Variants in PCDH11X observed in about 807,000 individuals in gnomAD.
PCDH11X encodes protocadherin-11 X-linked.
Under a neutral mutation model 53.3 loss-of-function variants are expected in PCDH11X, and 18 were observed. That is an observed-to-expected ratio of 0.34 (90% CI 0.23 to 0.50). The LOEUF is 0.50. PCDH11X is among the 20% of genes least tolerant of loss of function. The probability of loss-of-function intolerance (pLI) is 0.98; values close to 1 mark genes in which losing one functional copy is unlikely to be tolerated. For synonymous variants in PCDH11X, 279 were observed against 393.3 expected, an observed-to-expected ratio of 0.71 and a Z score of 3.44; for missense variants, 570 against 1,032.4, an observed-to-expected ratio of 0.55 and a Z score of 6.14.
intron 9 of PCDH11X, among the ~76,000 whole-genome samples, chrX:92,413,846 G>A (rs2148606096): frequency 9.3e-6 from 1 of 107,373 alleles, no homozygotes; most frequent in East Asian, 3.0e-4. Context: ...ATGTACAACT[G>A]AGCTTTATGC....
intron 6 of PCDH11X, among the ~76,000 whole-genome samples, chrX:92,024,359 A>G (rs1218650553): frequency 1.8e-5 from 2 of 110,959 alleles, no homozygotes; most frequent in Non-Finnish European, 3.8e-5. Flanking sequence ...AAGCATTCCT[A>G]TACAACGACA....
chrX:91,888,187 C>G (rs1381880163), intron 6 of PCDH11X, among the ~76,000 whole-genome samples: 2 of 111,619 alleles, frequency 1.8e-5, no homozygotes, highest in Non-Finnish European at 3.8e-5. Context: ...AATCACATTT[C>G]ATTAGATTTC....
At chrX:92,421,829 T>C (rs2071973476) in intron 9 of PCDH11X, among the ~76,000 whole-genome samples, 1 of 112,172 alleles carries the variant, frequency 8.9e-6, no homozygotes. Context: ...ATTTTTCATA[T>C]TGTGCTTGTA....
intron 6 of PCDH11X, among the ~76,000 whole-genome samples, chrX:91,921,301 A>C (rs1941730714): frequency 9.0e-6 from 1 of 110,832 alleles, no homozygotes; most frequent in Non-Finnish European, 1.9e-5. Flanking sequence ...ATAGTTGATG[A>C]ATTTACACAT....
chrX:92,574,975 T>C (rs1326538672), intron 10 of PCDH11X, among the ~76,000 whole-genome samples: 1 of 110,867 alleles, frequency 9.0e-6, no homozygotes, highest in Non-Finnish European at 1.9e-5. Flanking sequence ...ACGGTAATGC[T>C]ATTATATGAC....
chrX:92,046,094 G>A (rs186547732), intron 6 of PCDH11X, among the ~76,000 whole-genome samples: 1 of 111,716 alleles, frequency 9.0e-6, no homozygotes, highest in Non-Finnish European at 1.9e-5. Flanking sequence ...ACTTGTGAGA[G>A]CCAATTGTGC....
intron 8 of PCDH11X, among the ~76,000 whole-genome samples, chrX:92,288,429 G>A (rs749728643): frequency 2.7e-4 from 27 of 99,550 alleles, no homozygotes; most frequent in East Asian, 1.6e-3. Context: ...TTGCTCTGTC[G>A]CCCAGGCTGG....
At chrX:92,495,027 T>C (rs942701476) in intron 10 of PCDH11X, among the ~76,000 whole-genome samples, 10 of 96,085 alleles carry the variant, frequency 1.0e-4, no homozygotes, top group African/African-American at 3.8e-4. Context: ...AGAATTGATA[T>C]TTAAACCCTG....
At chrX:92,074,459 T>C (rs1415815618) in intron 6 of PCDH11X, among the ~76,000 whole-genome samples, 2 of 111,576 alleles carry the variant, frequency 1.8e-5, no homozygotes, top group African/African-American at 3.2e-5. Flanking sequence ...ACCTCCATGT[T>C]TCCTATTTTA....
chrX:92,220,745 C>A (rs2066850716), intron 7 of PCDH11X, among the ~76,000 whole-genome samples: 2 of 108,218 alleles, frequency 1.8e-5, no homozygotes, highest in African/African-American at 3.4e-5. Flanking sequence ...AAGACACATG[C>A]ACAGGTATGT....
At position 92,016,270 on chromosome X, in the gene PCDH11X, T is replaced by G. The variant is rs886239190; in HGVS notation, c.3033+136997T>G. 3.6e-5 allele frequency among the ~76,000 whole-genome samples: 4 copies of G among 109,756 alleles called. No homozygotes were observed. In the Admixed American group the frequency reaches 3.9e-4, roughly 11 times the overall value. On this transcript the variant is annotated intron_variant, in intron 6 of 10. Transcript: ENST00000682573. The stretch of plus-strand genomic sequence containing the variant: ...CTTAAGGGCCCTAGCATTTTCAGAA[T>G]AGTAAATGATCATTGGCTTCAATTT...
chrX:92,172,992 A>C (rs1256013680), intron 6 of PCDH11X, among the ~76,000 whole-genome samples: 1 of 111,701 alleles, frequency 9.0e-6, no homozygotes, highest in Non-Finnish European at 1.9e-5. Context: ...TGTCCAAATA[A>C]ATTATCTATA....
intron 5 of PCDH11X, among the ~76,000 whole-genome samples, chrX:91,858,346 A>C (rs1355407786): frequency 9.0e-6 from 1 of 111,468 alleles, no homozygotes; most frequent in Non-Finnish European, 1.9e-5. Flanking sequence ...AAATCTGCTG[A>C]CATGTCCTGG....
chrX:91,789,070 T>TA (rs1935431573), intron 1 of PCDH11X, among the ~76,000 whole-genome samples: 3 of 106,525 alleles, frequency 2.8e-5, no homozygotes, highest in African/African-American at 1.0e-4. Context: ...GGCGTCTTGC[T>TA]GCGCGCCTGT....
intron 6 of PCDH11X, among the ~76,000 whole-genome samples, chrX:92,115,669 C>G (rs2064623417): frequency 9.0e-6 from 1 of 110,998 alleles, no homozygotes; most frequent in Non-Finnish European, 1.9e-5. Context: ...TAGCAAACCA[C>G]TGGTGTAAAT....
chrX:92,125,122 G>A lies in PCDH11X; in HGVS notation c.3034-76253G>A, dbSNP rs183192095. Among the ~76,000 whole-genome samples the A allele has an allele frequency of 2.2e-3, 246 of 111,614 alleles. 1 individual carries two copies. The highest frequency in any genetic ancestry group is 0.022 in the East Asian group (78 of 3,547). Reference sequence around the variant, plus strand: ...GTATAGGAGAGGCAGGCAACATTTAGTTCTATAATCCATTAAGGAACGTTC... The same window carrying A: ...GTATAGGAGAGGCAGGCAACATTTAATTCTATAATCCATTAAGGAACGTTC... On this transcript the variant is annotated intron_variant, in intron 6 of 10. Coordinates refer to ENST00000682573, the MANE Select transcript of PCDH11X (RefSeq NM_032968.5).
chrX:92,282,432 G>A (rs1014266938), intron 8 of PCDH11X, among the ~76,000 whole-genome samples: 5 of 111,252 alleles, frequency 4.5e-5, no homozygotes, highest in Non-Finnish European at 9.4e-5. Flanking sequence ...AATATATTTT[G>A]CAGGACTGAA....
At chrX:92,290,419 C>A (rs1479007389) in intron 8 of PCDH11X, among the ~76,000 whole-genome samples, 1 of 111,463 alleles carries the variant, frequency 9.0e-6, no homozygotes, top group African/African-American at 3.3e-5. Context: ...GTGTTTTAAC[C>A]AGGTTCCACT....
intron 5 of PCDH11X, among the ~76,000 whole-genome samples, chrX:91,838,287 CA>C (rs1250186292): frequency 1.8e-5 from 2 of 111,553 alleles, no homozygotes; most frequent in African/African-American, 6.5e-5. Context: ...CAGCAAATGA[CA>C]AAAAGTCTCA....
Sources: allele counts gnomAD v4.1 joint callset (sites outside exome capture counted in the v4.1 genomes callset), GRCh38; gene constraint gnomAD v4.1.1; transcripts MANE v1.5; gene names NCBI Gene and HGNC (gene_info 2026-07-23, HGNC 2026-07-21).